TMED10: variants seen among roughly 807,000 people sequenced by gnomAD.
The protein encoded by TMED10 is transmembrane emp24 domain-containing protein 10.
TMED10 carries 7 observed loss-of-function variants against 23.1 expected under a neutral mutation model. That is an observed-to-expected ratio of 0.30 (90% confidence interval 0.17 to 0.57). TMED10 has a LOEUF of 0.57. Among genes scored for constraint, TMED10 ranks in the 20% least tolerant of loss-of-function variants. The pLI is 0.91. For missense variants in TMED10, 162 were observed against 274.8 expected (o/e 0.59, Z 2.90); for synonymous variants, 113 against 106.9 (o/e 1.06, Z -0.35).
chr14:75,176,306 C>T lies in TMED10; in HGVS notation c.225+49G>A, dbSNP rs571665933. 5.0e-6 allele frequency: 8 copies of T among 1,608,186 alleles called. No homozygotes were observed. In the African/African-American group the frequency reaches 5.3e-5, roughly 11 times the overall value. On this transcript the variant is annotated intron_variant, in intron 1 of 4. Transcript: ENST00000303575. ...TCCCCCGAACCCGAGCCTCCCCTCG[C>T]CTAAGCCTGCCGTCTTCCCTCCCGG...
chr14:75,175,772 C>T (rs1333655311), intron 1 of TMED10: 1 of 152,640 alleles, frequency 6.6e-6, no homozygotes, highest in African/African-American at 2.4e-5. Context: ...AGAATCTATT[C>T]CATCTGTGAC....
At chr14:75,143,313 A>G (rs1895845593) in intron 3 of TMED10, among the ~76,000 whole-genome samples, 1 of 152,240 alleles carries the variant, frequency 6.6e-6, no homozygotes, top group South Asian at 2.1e-4. Flanking sequence ...TACCAGTAAA[A>G]TTAAACTCTT....
At chr14:75,163,128 G>T (rs915505328) in intron 1 of TMED10, among the ~76,000 whole-genome samples, 1 of 151,908 alleles carries the variant, frequency 6.6e-6, no homozygotes, top group Non-Finnish European at 1.5e-5. Context: ...TGTGGTCCCA[G>T]CTACTCAGAA....
chr14:75,175,831 A>G (rs72736289), intron 1 of TMED10: 9,718 of 153,276 alleles, frequency 0.063, 378 homozygotes, highest in Non-Finnish European at 0.094. Context: ...CATTTGTAAA[A>G]TGGGGCTAAC....
At chr14:75,157,241 T>C (rs185107828) in intron 1 of TMED10, among the ~76,000 whole-genome samples, 17 of 152,360 alleles carry the variant, frequency 1.1e-4, no homozygotes, top group Admixed American at 6.5e-4. Flanking sequence ...AGAATCATGC[T>C]ATATACTTTA....
At chr14:75,164,073 CT>C (rs911201153) in intron 1 of TMED10, among the ~76,000 whole-genome samples, 23 of 147,532 alleles carry the variant, frequency 1.6e-4, no homozygotes, top group African/African-American at 2.0e-4. Flanking sequence ...CATTTTCTTC[CT>C]TTTTTTTTTG....
chr14:75,147,728 C>T lies in TMED10; in HGVS notation c.347G>A (p.Arg116Gln). The T allele has an allele frequency of 4.3e-6, 7 of 1,614,040 alleles. No homozygotes were observed. The highest frequency in any genetic ancestry group is 2.2e-5 in the East Asian group (1 of 44,882). ...TAGGATCACGAGTTGGTCAGGTATC[C>T]GCCCTGTTCCTGAGAAAGAAATCAA... ...EVCFESKGTG[R>Q]IPDQLVILDM... The change falls in exon 3 of 5, where the codon CGG (arginine) becomes CAG (glutamine). Residue 116 changes from arginine (R) to glutamine (Q), a missense_variant. Arg to Gln is a conservative substitution (Grantham distance 43). Around this residue, in one of 2 missense-constraint regions of TMED10, gnomAD observed 126 missense variants for 239.5 expected, o/e 0.53. Coordinates refer to ENST00000303575, the MANE Select transcript of TMED10 (RefSeq NM_006827.6).
At chr14:75,139,289 TGC>T (rs1656418150) in intron 3 of TMED10, 1 of 353,052 alleles carries the variant, frequency 2.8e-6, no homozygotes, top group Admixed American at 3.8e-5. Context: ...AAAATGTCAG[TGC>T]TTATCAATTC....
At chr14:75,135,344 G>T (rs1020935405) in intron 4 of TMED10, among the ~76,000 whole-genome samples, 2 of 152,136 alleles carry the variant, frequency 1.3e-5, no homozygotes, top group African/African-American at 2.4e-5. Flanking sequence ...GGAGGCTGAG[G>T]CAGGAGAATT....
At chr14:75,149,655 AG>A (rs1201237470) in intron 2 of TMED10, among the ~76,000 whole-genome samples, 3 of 152,242 alleles carry the variant, frequency 2.0e-5, no homozygotes, top group Admixed American at 6.5e-5. Context: ...TATGGAGCAA[AG>A]GGAAGAGGAG....
At chr14:75,156,742 G>A (rs763476583) in intron 1 of TMED10, among the ~76,000 whole-genome samples, 7 of 151,712 alleles carry the variant, frequency 4.6e-5, no homozygotes, top group Non-Finnish European at 7.4e-5. Context: ...TCAAGAGATC[G>A]AGACCATCCT....
rs1215646863 is a variant in TMED10 at position 75,152,951 on chromosome 14, G to A, written c.226-808C>T. Among the ~76,000 whole-genome samples the A allele has an allele frequency of 3.3e-5, 5 of 151,956 alleles. No individual in the cohort carries two copies. The East Asian group carries it at 9.6e-4, about 29-fold the overall frequency. On this transcript the variant is annotated intron_variant, in intron 1 of 4. Coordinates refer to ENST00000303575, the MANE Select transcript of TMED10 (RefSeq NM_006827.6). ...TGGCCAACCAACATGGAGAAACCTCGTCTCTACTAAAAATACCAAAATCAG... is the reference window on the plus strand; with the variant it reads ...TGGCCAACCAACATGGAGAAACCTCATCTCTACTAAAAATACCAAAATCAG...
intron 1 of TMED10, among the ~76,000 whole-genome samples, chr14:75,153,005 C>G (rs1257075491): frequency 6.6e-6 from 1 of 152,146 alleles, no homozygotes; most frequent in Non-Finnish European, 1.5e-5. Context: ...GCCTGTAGTC[C>G]CAGCTACTCA....
chr14:75,134,998 T>G lies in TMED10; in HGVS notation c.547A>C (p.Asn183His). 6.2e-7 allele frequency: 1 copy of G among 1,613,872 alleles called. No homozygotes were observed. Among genetic ancestry groups the G allele is most frequent in the Non-Finnish European group, 8.5e-7 (1 of 1,179,898 alleles). Residue 183 changes from asparagine to histidine, a missense_variant, in exon 5 of 5, where the codon AAC becomes CAC. Transcript: ENST00000303575. ...ATGCTGAAGTATAGGACCCGAGTGTTTGTTGACTCTAAAAAAAAACAAAAG... is the reference window on the plus strand; with the variant it reads ...ATGCTGAAGTATAGGACCCGAGTGTGTGTTGACTCTAAAAAAAAACAAAAG... Reference protein sequence around the residue: ...EEMRDTNESTNTRVLYFSIFS... With the variant: ...EEMRDTNESTHTRVLYFSIFS...
chr14:75,140,340 C>T (rs2139833892), intron 3 of TMED10, among the ~76,000 whole-genome samples: 1 of 150,432 alleles, frequency 6.6e-6, no homozygotes, highest in African/African-American at 2.4e-5. Context: ...ACCTCATGAT[C>T]CGCCCTCCTC....
intron 1 of TMED10, among the ~76,000 whole-genome samples, chr14:75,169,510 T>G (rs1896204248): frequency 6.6e-6 from 1 of 152,058 alleles, no homozygotes; most frequent in Non-Finnish European, 1.5e-5. Flanking sequence ...ATACAAAAAT[T>G]AGCCGGGAGT....
Position 75,176,552 on chromosome 14 carries a change from G to A in TMED10, c.28C>T (p.Arg10Trp), listed in dbSNP as rs1896308454. The A allele has an allele frequency of 7.4e-6, 12 of 1,614,030 alleles. No individual in the cohort carries two copies. Among genetic ancestry groups the A allele is most frequent in the East Asian group, 2.2e-5 (1 of 44,894 alleles). Residue 10 changes from arginine to tryptophan, a missense_variant, in exon 1 of 5, where the codon CGG becomes TGG. Coordinates refer to ENST00000303575, the MANE Select transcript of TMED10 (RefSeq NM_006827.6). Reference sequence around the variant, plus strand: ...AACGCTAACGGAAAAGGGCCGCGCCGGGCTGGTGGGCCAGACAAACCAGAC... The same window carrying A: ...AACGCTAACGGAAAAGGGCCGCGCCAGGCTGGTGGGCCAGACAAACCAGAC... MSGLSGPPA[R>W]RGPFPLALLL...
chr14:75,161,233 C>G (rs1416385132), intron 1 of TMED10, among the ~76,000 whole-genome samples: 1 of 152,130 alleles, frequency 6.6e-6, no homozygotes, highest in Admixed American at 6.6e-5. Flanking sequence ...TGAGCAGGTC[C>G]TGCCACTGAA....
rs1395704154 is a variant in TMED10, at chr14:75,131,591, C to T, written c.*3294G>A. On this transcript the variant is annotated 3_prime_UTR_variant, in exon 5 of 5. Coordinates refer to ENST00000303575, the MANE Select transcript of TMED10 (RefSeq NM_006827.6). ...AACAAACCAAGAAATGGCTTTATGA[C>T]AGGGGTCCATGACAATGGTATAACA... 3.3e-5 allele frequency: 5 copies of T among 152,554 alleles called. No homozygotes were observed. The highest frequency in any genetic ancestry group is 6.5e-5 in the Admixed American group (1 of 15,276). The allele number at this position is 152,554 out of a possible 1,614,324, so 9.5% of individuals were successfully genotyped here.
Sources: gnomAD v4.1 joint callset for allele counts (sites outside exome capture counted in the v4.1 genomes callset) on GRCh38, gnomAD v4.1.1 for gene constraint, gnomAD v4.1.1 regional missense constraint, MANE v1.5 for transcripts, NCBI Gene and HGNC (gene_info 2026-07-23, HGNC 2026-07-21) for gene names.